NRG1: variants seen among roughly 807,000 people sequenced by gnomAD.
NRG1 encodes pro-neuregulin-1, membrane-bound isoform.
Under a neutral mutation model 63.8 loss-of-function variants are expected in NRG1, and 18 were observed. The observed-to-expected ratio is 0.28, with a 90% confidence interval of 0.19 to 0.42. The LOEUF (loss-of-function observed/expected upper bound fraction) is 0.42, where lower values mean the gene tolerates loss of function less well. Among genes scored for constraint, NRG1 ranks in the 10% least tolerant of loss-of-function variants. The pLI is 1.00. For synonymous variants in NRG1, 302 were observed against 301.3 expected (o/e 1.00, Z -0.02); for missense variants, 762 against 814.7 (o/e 0.94, Z 0.79).
At chr8:32,328,997 C>T (rs1174462014) in intron 1 of NRG1, among the ~76,000 whole-genome samples, 2 of 150,384 alleles carry the variant, frequency 1.3e-5, no homozygotes, top group African/African-American at 2.5e-5. Flanking sequence ...TAGACAATGT[C>T]TCACTCTGTC....
intron 5 of NRG1, among the ~76,000 whole-genome samples, chr8:32,702,856 T>A (rs1815322138): frequency 6.6e-6 from 1 of 152,152 alleles, no homozygotes; most frequent in Non-Finnish European, 1.5e-5. Flanking sequence ...ATGAGGTGAA[T>A]GAGAAGGCTG....
intron 1 of NRG1, among the ~76,000 whole-genome samples, chr8:31,797,792 G>T (rs900558915): frequency 6.6e-6 from 1 of 152,202 alleles, no homozygotes; most frequent in African/African-American, 2.4e-5. Flanking sequence ...CCACCTAGGT[G>T]TGCAAGCATG....
rs1250834284 is a variant in NRG1, at chr8:31,640,888, G to A, written c.37+1457G>A. 6.6e-6 allele frequency among the ~76,000 whole-genome samples: 1 copy of A among 152,348 alleles called. No homozygotes were observed. The highest frequency in any genetic ancestry group is 1.5e-5 in the Non-Finnish European group (1 of 68,024). ...GGGTTCTCAGCGATCCTCAGAGAGG[G>A]AGGTTTCGCTTTCTCCAGCTTCCCT... is the stretch of plus-strand genomic sequence containing the variant. On this transcript the variant is annotated intron_variant, in intron 1 of 10. Coordinates refer to the NRG1 transcript ENST00000519301. This position sits in a 1 kb window ranked among gnomAD's most constrained non-coding sequence, Gnocchi z 6.3.
At chr8:31,913,304 AT>A (rs1306720904) in intron 1 of NRG1, among the ~76,000 whole-genome samples, 3 of 152,072 alleles carry the variant, frequency 2.0e-5, no homozygotes, top group African/African-American at 7.2e-5. Context: ...CTTTATTGAG[AT>A]TTTTTTCAAA....
At chr8:32,547,536 G>A (rs1315113485), upstream of NRG1, among the ~76,000 whole-genome samples, 1 of 151,924 alleles carries the variant, frequency 6.6e-6, no homozygotes, top group East Asian at 1.9e-4. Flanking sequence ...CCCCTTAGAA[G>A]AGGCCAGGTT....
At position 32,208,501 on chromosome 8, in the gene NRG1, G is replaced by A. The variant is rs573326908; in HGVS notation, c.38-387327G>A. Among the ~76,000 whole-genome samples the A allele has an allele frequency of 8.6e-5, 13 of 151,876 alleles. No homozygotes were observed. The East Asian group carries it at 1.2e-3, about 14-fold the overall frequency. On this transcript the variant is annotated intron_variant, in intron 1 of 10. Coordinates refer to the NRG1 transcript ENST00000519301. ...TTAAACTCCTAACCTCAGGTGATCC[G>A]CCCACGTCGGCCTCCCAAAGTGCTG... is the stretch of plus-strand genomic sequence containing the variant.
chr8:32,620,697 C>A (rs1051906391), intron 5 of NRG1, among the ~76,000 whole-genome samples: 2 of 151,788 alleles, frequency 1.3e-5, no homozygotes, highest in Non-Finnish European at 2.9e-5. Flanking sequence ...GGTGGCAGCC[C>A]TGAAGTCTCA....
At chr8:31,967,265 C>T (rs112890621) in intron 1 of NRG1, among the ~76,000 whole-genome samples, 2 of 152,154 alleles carry the variant, frequency 1.3e-5, no homozygotes, top group Non-Finnish European at 2.9e-5. Context: ...CCCCTCCCTC[C>T]TCCACGCCCT....
intron 1 of NRG1, among the ~76,000 whole-genome samples, chr8:31,976,281 C>T (rs978035220): frequency 1.3e-5 from 2 of 152,180 alleles, no homozygotes. Context: ...AGATGCCTAG[C>T]TGATTTCTTG....
At chr8:32,283,238 G>C (rs1426825268) in intron 1 of NRG1, among the ~76,000 whole-genome samples, 1 of 152,166 alleles carries the variant, frequency 6.6e-6, no homozygotes, top group Non-Finnish European at 1.5e-5. Flanking sequence ...ATTTAAAGAT[G>C]TTTAGGCTCT....
chr8:32,197,981 C>A (rs1031447758), intron 1 of NRG1, among the ~76,000 whole-genome samples: 2 of 151,452 alleles, frequency 1.3e-5, no homozygotes, highest in Non-Finnish European at 3.0e-5. Context: ...TGCACGCGCA[C>A]ACACACACAC....
chr8:31,711,894 C>T lies in NRG1; in HGVS notation c.37+72463C>T, dbSNP rs1327615826. On this transcript the variant is annotated intron_variant, in intron 1 of 10. Transcript: ENST00000519301. ...TTCTCTTTTATGAGGGCGGTAGTCC[C>T]ATGCTTAAAGGCTCTGCCCACATGA... is the stretch of plus-strand genomic sequence containing the variant. 2.6e-5 allele frequency among the ~76,000 whole-genome samples: 4 copies of T among 152,242 alleles called. No homozygotes were observed. The East Asian group carries it at 7.7e-4, about 29-fold the overall frequency.
intron 1 of NRG1, among the ~76,000 whole-genome samples, chr8:31,659,404 G>A (rs1805745273): frequency 6.6e-6 from 1 of 152,186 alleles, no homozygotes; most frequent in South Asian, 2.1e-4. Flanking sequence ...CTCCTTAGGA[G>A]AGCATCTGGG....
chr8:32,628,426 C>A (rs937345447), intron 5 of NRG1, among the ~76,000 whole-genome samples: 6 of 152,024 alleles, frequency 3.9e-5, no homozygotes, highest in African/African-American at 1.4e-4. Flanking sequence ...TCCAAGTTAT[C>A]TGTGAGAAAA....
chr8:32,751,349 T>C (rs1199476535), intron 7 of NRG1, among the ~76,000 whole-genome samples: 1 of 152,174 alleles, frequency 6.6e-6, no homozygotes, highest in Non-Finnish European at 1.5e-5. Context: ...AGCCAAACCA[T>C]GAAGACTCTG....
chr8:31,776,638 G>A (rs1159013310), intron 1 of NRG1, among the ~76,000 whole-genome samples: 2 of 151,904 alleles, frequency 1.3e-5, no homozygotes, highest in African/African-American at 4.8e-5. Flanking sequence ...TGCTGCACCC[G>A]TTAACTTGTC....
In NRG1 at chr8:31,719,690, T is replaced by C. The variant is rs185411010; in HGVS notation, c.37+80259T>C. Among the ~76,000 whole-genome samples the C allele has an allele frequency of 2.5e-4, 38 of 152,268 alleles. No individual in the cohort carries two copies. The East Asian group carries it at 6.6e-3, about 26-fold the overall frequency. ...ACTGGGGTTTATTTTAAGTTAGTAT[T>C]GATGTAAAAGATGGCACACCCTCTT... is the stretch of plus-strand genomic sequence containing the variant. On this transcript the variant is annotated intron_variant, in intron 1 of 10. Transcript: ENST00000519301.
chr8:32,721,159 GA>G (rs1820525982), intron 5 of NRG1, among the ~76,000 whole-genome samples: 1 of 152,146 alleles, frequency 6.6e-6, no homozygotes, highest in Admixed American at 6.6e-5. Context: ...GCACTTTTGT[GA>G]ATTCTTAGCT....
chr8:32,555,681 C>T (rs1835022282), intron 1 of NRG1, among the ~76,000 whole-genome samples: 1 of 152,172 alleles, frequency 6.6e-6, no homozygotes, highest in African/African-American at 2.4e-5. Context: ...CCGTGTTAGC[C>T]AGGATGGTCT....
Sources: gnomAD v4.1 joint callset for allele counts (sites outside exome capture counted in the v4.1 genomes callset) on GRCh38, gnomAD v4.1.1 for gene constraint, Gnocchi (gnomAD v3.1) non-coding constraint, MANE v1.5 for transcripts, NCBI Gene and HGNC (gene_info 2026-07-23, HGNC 2026-07-21) for gene names.